The following RHOH variants were observed in gnomAD, a reference collection of about 807,000 sequenced individuals.
The protein encoded by RHOH is ras homolog family member H, also known as rho-related GTP-binding protein RhoH.
In RHOH, 6 loss-of-function variants were observed where a neutral mutation model predicts 13.8. The observed-to-expected ratio is 0.44, with a 90% CI of 0.24 to 0.86. The LOEUF is 0.86. Ranked by LOEUF, RHOH falls within the 40% of genes least tolerant of loss-of-function variation. RHOH has a pLI of 0.24. For synonymous variants in RHOH, 117 were observed against 103.0 expected (o/e 1.14, Z -0.82); for missense variants, 147 against 244.5 (o/e 0.60, Z 2.66).
upstream of RHOH, chr4:40,191,378 A>G (rs1273867572): frequency 5.9e-5 from 9 of 152,342 alleles, no homozygotes; most frequent in Admixed American, 5.9e-4. Flanking sequence ...GTCAAAAACA[A>G]GTTGTGAACA....
chr4:40,224,337 G>T (rs970228244), intron 1 of RHOH, among the ~76,000 whole-genome samples: 23 of 152,134 alleles, frequency 1.5e-4, no homozygotes, highest in African/African-American at 5.6e-4. Flanking sequence ...TTTTGCTGTC[G>T]TGAATAATGT....
chr4:40,234,512 G>A (rs144425120), intron 1 of RHOH, among the ~76,000 whole-genome samples: 15 of 152,230 alleles, frequency 9.9e-5, no homozygotes, highest in African/African-American at 3.6e-4. Context: ...CTGGACCAGA[G>A]GAGGGGAAGG....
upstream of RHOH, chr4:40,193,784 G>A (rs1370310807): frequency 6.6e-6 from 1 of 152,638 alleles, no homozygotes; most frequent in African/African-American, 2.4e-5. Context: ...TCAGCCAGGG[G>A]GTGAAAGGGA....
At chr4:40,231,602 T>C (rs1727954464) in intron 1 of RHOH, among the ~76,000 whole-genome samples, 1 of 152,204 alleles carries the variant, frequency 6.6e-6, no homozygotes, top group Non-Finnish European at 1.5e-5. Context: ...CAGCAGCTTC[T>C]CCCAGGCCCC....
intron 1 of RHOH, among the ~76,000 whole-genome samples, chr4:40,208,019 TA>T (rs869060810): frequency 0.05 from 7,453 of 148,380 alleles, 569 homozygotes; most frequent in African/African-American, 0.17. Flanking sequence ...ACAATTGTGT[TA>T]AAAAAAAAAA....
Position 40,243,255 on chromosome 4 carries a change from C to T in RHOH, c.-132C>T, listed in dbSNP as rs546019684. On this transcript the variant is annotated 5_prime_UTR_variant, in exon 3 of 3. Coordinates refer to ENST00000381799, the MANE Select transcript of RHOH (RefSeq NM_004310.5). This position sits in a 1 kb window ranked among gnomAD's most constrained non-coding sequence, Gnocchi z 6.2. Reference sequence around the variant, plus strand: ...GGAGAAGTAACATTCTGCAAATCGCCGTCAGAGGTCCTGAGGACACAGACC... The same window carrying T: ...GGAGAAGTAACATTCTGCAAATCGCTGTCAGAGGTCCTGAGGACACAGACC... 4.3e-5 allele frequency: 29 copies of T among 669,628 alleles called. No individual in the cohort carries two copies. The highest frequency in any genetic ancestry group is 9.5e-5 in the Admixed American group (3 of 31,498). The allele number at this position is 669,628 out of a possible 1,614,324, so 41.5% of individuals were successfully genotyped here.
At chr4:40,223,107 C>T (rs752398951) in intron 1 of RHOH, among the ~76,000 whole-genome samples, 2 of 152,096 alleles carry the variant, frequency 1.3e-5, no homozygotes, top group Non-Finnish European at 2.9e-5. Flanking sequence ...TACAGATGAG[C>T]CAAGAAAGTA....
intron 1 of RHOH, among the ~76,000 whole-genome samples, chr4:40,220,819 A>G (rs1479351324): frequency 6.6e-6 from 1 of 152,240 alleles, no homozygotes; most frequent in Non-Finnish European, 1.5e-5. Context: ...GAACCATTAA[A>G]AAAGAATTTT....
At chr4:40,214,216 G>T (rs527856212) in intron 1 of RHOH, among the ~76,000 whole-genome samples, 1 of 152,202 alleles carries the variant, frequency 6.6e-6, no homozygotes, top group South Asian at 2.1e-4. Flanking sequence ...GAAGCTTTCT[G>T]ATGAATGTTT....
chr4:40,238,754 C>A (rs1258976057), intron 1 of RHOH, among the ~76,000 whole-genome samples: 1 of 152,158 alleles, frequency 6.6e-6, no homozygotes, highest in Non-Finnish European at 1.5e-5. Flanking sequence ...GTGTCATCAC[C>A]CATGACGCTC....
intron 1 of RHOH, among the ~76,000 whole-genome samples, chr4:40,220,448 A>G (rs1158919862): frequency 2.0e-5 from 3 of 152,124 alleles, no homozygotes; most frequent in Admixed American, 6.5e-5. Context: ...TCTTTAATTT[A>G]GCATTTTATT....
chr4:40,199,503 T>C (rs1410007502), intron 1 of RHOH, among the ~76,000 whole-genome samples: 1 of 152,210 alleles, frequency 6.6e-6, no homozygotes, highest in African/African-American at 2.4e-5. Flanking sequence ...TGGAAACCGC[T>C]ATTTTAAGCC....
upstream of RHOH, among the ~76,000 whole-genome samples, chr4:40,191,863 G>A (rs1365701275): frequency 6.6e-6 from 1 of 151,612 alleles, no homozygotes; most frequent in Non-Finnish European, 1.5e-5. Flanking sequence ...GGGAAATGAT[G>A]TTTTTATGGT....
chr4:40,200,352 A>G (rs1449081932), intron 1 of RHOH: 1 of 152,160 alleles, frequency 6.6e-6, no homozygotes, highest in Non-Finnish European at 1.5e-5. Context: ...TCACTGTGGA[A>G]TAGTGGTTTC....
At chr4:40,206,798 T>C (rs1724694557) in intron 1 of RHOH, among the ~76,000 whole-genome samples, 1 of 152,260 alleles carries the variant, frequency 6.6e-6, no homozygotes, top group Non-Finnish European at 1.5e-5. Flanking sequence ...GAAATATCTA[T>C]AATAATTTCT....
At chr4:40,241,612 G>T (rs982279635) in intron 1 of RHOH, among the ~76,000 whole-genome samples, 1 of 152,114 alleles carries the variant, frequency 6.6e-6, no homozygotes, top group Non-Finnish European at 1.5e-5. Context: ...CTTGGCAGCC[G>T]GACGCGGTGG....
chr4:40,202,468 G>T (rs1724137657), intron 1 of RHOH, among the ~76,000 whole-genome samples: 1 of 152,198 alleles, frequency 6.6e-6, no homozygotes, highest in Admixed American at 6.6e-5. Flanking sequence ...TGTAGTCGTG[G>T]TGTGTGTTCA....
intron 1 of RHOH, among the ~76,000 whole-genome samples, chr4:40,215,371 A>G (rs1560695220): frequency 6.6e-6 from 1 of 152,224 alleles, no homozygotes; most frequent in Non-Finnish European, 1.5e-5. Context: ...AATGATTGGT[A>G]TGAGTTTCCC....
chr4:40,202,547 A>G lies in RHOH; in HGVS notation c.-331+5247A>G, dbSNP rs573082576. Among the ~76,000 whole-genome samples the G allele has an allele frequency of 5.1e-4, 78 of 152,356 alleles. 1 individual carries two copies. The highest frequency in any genetic ancestry group is 3.4e-3 in the Middle Eastern group (1 of 294). ...AGTTTTAACATTTAGGAGGAAGGCT[A>G]TGAGTTTTGTGAACCACATGGGGCT... On this transcript the variant is annotated intron_variant, in intron 1 of 2. Coordinates refer to ENST00000381799, the MANE Select transcript of RHOH (RefSeq NM_004310.5).
Sources: allele counts gnomAD v4.1 joint callset (sites outside exome capture counted in the v4.1 genomes callset), GRCh38; gene constraint gnomAD v4.1.1; non-coding constraint Gnocchi (gnomAD v3.1); transcripts MANE v1.5; gene names NCBI Gene and HGNC (gene_info 2026-07-23, HGNC 2026-07-21).